The following FAM53A variants were observed in gnomAD, a reference collection of about 807,000 sequenced individuals.
FAM53A encodes family with sequence similarity 53 member A, also known as protein FAM53A.
FAM53A carries 28 observed loss-of-function variants against 26.6 expected under a neutral mutation model. The observed-to-expected ratio is 1.05, with a 90% CI of 0.78 to 1.45. The LOEUF (loss-of-function observed/expected upper bound fraction) is 1.45. Among genes scored for constraint, FAM53A ranks in the 40% most tolerant of loss-of-function variants. FAM53A has a pLI of 0.00. For synonymous variants in FAM53A, 290 were observed against 253.1 expected, an observed-to-expected ratio of 1.15 and a Z score of -1.38; for missense variants, 650 against 575.8, an observed-to-expected ratio of 1.13 and a Z score of -1.32.
At chr4:1,618,537 G>T (rs1285941983) in intron 1 of FAM53A, among the ~76,000 whole-genome samples, 3 of 152,240 alleles carry the variant, frequency 2.0e-5, no homozygotes, top group Non-Finnish European at 4.4e-5. Flanking sequence ...CCCACCTGGA[G>T]GTGTGGGCTG....
At chr4:1,676,282 T>C (rs561702707) in intron 1 of FAM53A, among the ~76,000 whole-genome samples, 1 of 152,116 alleles carries the variant, frequency 6.6e-6, no homozygotes, top group Non-Finnish European at 1.5e-5. Context: ...ACTCCAGTCT[T>C]CCCACCGCAT....
the FAM53A span, among the ~76,000 whole-genome samples, chr4:1,608,988 C>T: frequency 6.6e-6 from 1 of 152,034 alleles, no homozygotes; most frequent in East Asian, 1.9e-4. Flanking sequence ...CAGCGCTGCA[C>T]CACTGAGCAA....
intron 2 of FAM53A, among the ~76,000 whole-genome samples, chr4:1,658,889 C>T (rs74681488): frequency 1.3e-5 from 2 of 152,256 alleles, no homozygotes; most frequent in African/African-American, 2.4e-5. Flanking sequence ...CACGGCTGTC[C>T]CGCAGGGTCC....
At chr4:1,627,121 C>T (rs1715343054) in intron 1 of FAM53A, among the ~76,000 whole-genome samples, 1 of 152,202 alleles carries the variant, frequency 6.6e-6, no homozygotes, top group Non-Finnish European at 1.5e-5. Context: ...AGGTCGGCCC[C>T]CAGGAAGCCG....
chr4:1,587,229 A>G, the FAM53A span, among the ~76,000 whole-genome samples: 1 of 152,256 alleles, frequency 6.6e-6, no homozygotes, highest in East Asian at 1.9e-4. Context: ...ACTGTGCAAA[A>G]ACTTTTTAGT....
the FAM53A span, among the ~76,000 whole-genome samples, chr4:1,610,168 G>A: frequency 3.4e-3 from 517 of 151,776 alleles, 4 homozygotes; most frequent in African/African-American, 0.012. Flanking sequence ...TGCCGAGGGG[G>A]CACCCAGGAC....
intron 1 of FAM53A, among the ~76,000 whole-genome samples, chr4:1,618,634 T>C (rs1396066140): frequency 2.6e-5 from 4 of 152,194 alleles, no homozygotes; most frequent in Admixed American, 2.0e-4. Flanking sequence ...GGCTCATGGC[T>C]GTGGCCGCCA....
At chr4:1,627,721 G>A (rs1715370992) in intron 1 of FAM53A, among the ~76,000 whole-genome samples, 1 of 152,152 alleles carries the variant, frequency 6.6e-6, no homozygotes, top group Non-Finnish European at 1.5e-5. Context: ...CCCAGGGCCA[G>A]AGGGTCCCAC....
chr4:1,589,544 T>C, the FAM53A span, among the ~76,000 whole-genome samples: 32 of 152,152 alleles, frequency 2.1e-4, no homozygotes, highest in Admixed American at 2.0e-3. Flanking sequence ...AGATTTTTAG[T>C]GGGGAATTAT....
intron 1 of FAM53A, among the ~76,000 whole-genome samples, chr4:1,627,398 C>T (rs1292028880): frequency 1.3e-5 from 2 of 152,212 alleles, no homozygotes; most frequent in Admixed American, 1.3e-4. Context: ...ATACACCTCC[C>T]GGAATGTTTA....
At chr4:1,682,088 G>C (rs1044592860) in intron 1 of FAM53A, among the ~76,000 whole-genome samples, 1 of 152,036 alleles carries the variant, frequency 6.6e-6, no homozygotes, top group Non-Finnish European at 1.5e-5. Flanking sequence ...CACTTCATGA[G>C]GCTCCAAGGA....
intron 2 of FAM53A, among the ~76,000 whole-genome samples, chr4:1,663,317 T>A (rs1376266576): frequency 6.6e-6 from 1 of 152,218 alleles, no homozygotes; most frequent in East Asian, 1.9e-4. Flanking sequence ...CCATATGACC[T>A]GGCAATCCCA....
chr4:1,661,624 T>C (rs9637736), intron 2 of FAM53A, among the ~76,000 whole-genome samples: 86,470 of 131,032 alleles, frequency 0.66, 26,917 homozygotes, highest in East Asian at 0.9. Flanking sequence ...GTGGCCCCAA[T>C]GGCCTTTGCC....
chr4:1,582,220 G>T, the FAM53A span, among the ~76,000 whole-genome samples: 3 of 152,224 alleles, frequency 2.0e-5, no homozygotes, highest in African/African-American at 7.2e-5. Context: ...TGATAAGAAG[G>T]GTCCCTGCCG....
At chr4:1,582,917 G>T in the FAM53A span, among the ~76,000 whole-genome samples, 1 of 152,210 alleles carries the variant, frequency 6.6e-6, no homozygotes, top group Non-Finnish European at 1.5e-5. Flanking sequence ...CTTGGGATTG[G>T]ATTTCTAGGT....
chr4:1,576,405 G>C, the FAM53A span, among the ~76,000 whole-genome samples: 1 of 152,170 alleles, frequency 6.6e-6, no homozygotes, highest in South Asian at 2.1e-4. Context: ...GGACAGCCCA[G>C]AGCACCCCAC....
chr4:1,609,900 C>G, the FAM53A span, among the ~76,000 whole-genome samples: 1 of 151,834 alleles, frequency 6.6e-6, no homozygotes, highest in Non-Finnish European at 1.5e-5. Context: ...GAGGCAGAGG[C>G]TGCAGTGAGC....
chr4:1,669,304 A>G (rs1440466632), intron 1 of FAM53A, among the ~76,000 whole-genome samples: 1 of 152,212 alleles, frequency 6.6e-6, no homozygotes, highest in East Asian at 1.9e-4. Flanking sequence ...CCAAGTGGCC[A>G]AACACCCCTC....
intron 1 of FAM53A, among the ~76,000 whole-genome samples, chr4:1,678,564 G>A (rs1202824471): frequency 6.6e-6 from 1 of 152,200 alleles, no homozygotes; most frequent in Admixed American, 6.5e-5. Flanking sequence ...GCCCACGCCT[G>A]TAATCCTAGC....
Sources: allele counts gnomAD v4.1 joint callset (sites outside exome capture counted in the v4.1 genomes callset), GRCh38; gene constraint gnomAD v4.1.1; transcripts MANE v1.5; gene names NCBI Gene and HGNC (gene_info 2026-07-23, HGNC 2026-07-21).